The following NCEH1 variants were observed in gnomAD, a reference collection of about 807,000 sequenced individuals.
NCEH1 encodes the protein 2-acetyl MAGE hydrolase.
NCEH1 carries 9 observed loss-of-function variants against 25.4 expected under a neutral mutation model. The observed-to-expected ratio is 0.35, with a 90% confidence interval of 0.21 to 0.62. The LOEUF (loss-of-function observed/expected upper bound fraction) is 0.62, where lower values mean the gene tolerates loss of function less well. Ranked by LOEUF, NCEH1 falls within the 20% of genes least tolerant of loss-of-function variation. The pLI is 0.72. For synonymous variants in NCEH1, 200 were observed against 199.8 expected (o/e 1.00, Z -0.01); for missense variants, 412 against 501.1 (o/e 0.82, Z 1.70).
At chr3:172,662,908 A>C (rs1470073005) in intron 1 of NCEH1, among the ~76,000 whole-genome samples, 1 of 151,768 alleles carries the variant, frequency 6.6e-6, no homozygotes, top group South Asian at 2.1e-4. Flanking sequence ...CTTTCAAAAA[A>C]CCAGCTCCTG....
At chr3:172,678,903 C>T (rs1712175767) in intron 1 of NCEH1, among the ~76,000 whole-genome samples, 1 of 152,194 alleles carries the variant, frequency 6.6e-6, no homozygotes, top group African/African-American at 2.4e-5. Flanking sequence ...ATTTAATTTA[C>T]TCAGCAAGGC....
At chr3:172,677,869 A>C (rs1201729152) in intron 1 of NCEH1, among the ~76,000 whole-genome samples, 3 of 152,256 alleles carry the variant, frequency 2.0e-5, no homozygotes, top group Non-Finnish European at 4.4e-5. Flanking sequence ...CGGAGCCTGC[A>C]GTGAGCTGAG....
At chr3:172,682,117 C>G (rs377478474) in intron 1 of NCEH1, among the ~76,000 whole-genome samples, 1 of 152,162 alleles carries the variant, frequency 6.6e-6, no homozygotes, top group African/African-American at 2.4e-5. Context: ...ATAGACAGAG[C>G]CTGTGGTGGA....
At chr3:172,673,042 T>C (rs1210472758) in intron 1 of NCEH1, among the ~76,000 whole-genome samples, 3 of 152,156 alleles carry the variant, frequency 2.0e-5, no homozygotes, top group Admixed American at 1.3e-4. Context: ...ATACTGGACA[T>C]TGAAGAAAAG....
At chr3:172,686,897 G>A (rs1712731070) in intron 1 of NCEH1, among the ~76,000 whole-genome samples, 1 of 152,056 alleles carries the variant, frequency 6.6e-6, no homozygotes, top group African/African-American at 2.4e-5. Flanking sequence ...ATTTTTTCTT[G>A]GGGGAGGGAG....
At chr3:172,637,431 AAAGAC>A (rs1271994252) in intron 3 of NCEH1, among the ~76,000 whole-genome samples, 1 of 152,220 alleles carries the variant, frequency 6.6e-6, no homozygotes, top group African/African-American at 2.4e-5. Flanking sequence ...TACTCTAAAT[AAAGAC>A]ATTTATTTTC....
In NCEH1 at chr3:172,634,000, A is replaced by G. The variant is rs1270602618; in HGVS notation, c.702T>C (p.Tyr234=). Reference sequence around the variant, plus strand: ...GGATTGGGGTGTTCACATTTTGCTGATAAGATGGTGTGTTAAAATCTAAAG... The same window carrying G: ...GGATTGGGGTGTTCACATTTTGCTGGTAAGATGGTGTGTTAAAATCTAAAG... The part of the protein sequence containing the change: ...LQALDFNTPS[Y]QQNVNTPILP... The change falls in exon 5 of 5, where the codon TAT becomes TAC. Residue 234 remains tyrosine, a synonymous_variant. Transcript: ENST00000475381. 6.8e-6 allele frequency: 11 copies of G among 1,614,114 alleles called. No individual in the cohort carries two copies. The highest frequency in any genetic ancestry group is 9.3e-6 in the Non-Finnish European group (11 of 1,180,058).
chr3:172,675,503 T>A (rs937747858), intron 1 of NCEH1, among the ~76,000 whole-genome samples: 42 of 152,060 alleles, frequency 2.8e-4, no homozygotes, highest in Admixed American at 1.8e-3. Flanking sequence ...ACTGGTTTTT[T>A]AAAGGAAGGA....
intron 3 of NCEH1, among the ~76,000 whole-genome samples, chr3:172,640,117 G>A (rs999753016): frequency 2.0e-5 from 3 of 152,130 alleles, no homozygotes; most frequent in Non-Finnish European, 4.4e-5. Context: ...TGGAAGGGAC[G>A]CCAAGTTCTC....
chr3:172,690,108 T>A (rs761665994), intron 1 of NCEH1, among the ~76,000 whole-genome samples: 125 of 152,006 alleles, frequency 8.2e-4, no homozygotes, highest in Non-Finnish European at 1.5e-3. Flanking sequence ...TTTCACCATG[T>A]TAGCCAGGAT....
chr3:172,702,659 G>C (rs1713759592), intron 1 of NCEH1, among the ~76,000 whole-genome samples: 1 of 152,184 alleles, frequency 6.6e-6, no homozygotes, highest in African/African-American at 2.4e-5. Flanking sequence ...CCTTAGATTA[G>C]GCAGGCGATA....
chr3:172,634,543 A>G (rs1340275077), intron 4 of NCEH1, among the ~76,000 whole-genome samples: 1 of 152,202 alleles, frequency 6.6e-6, no homozygotes, highest in African/African-American at 2.4e-5. Context: ...TGAGTGTTTA[A>G]GTAGGACCTC....
At chr3:172,683,805 C>T (rs1197914921) in intron 1 of NCEH1, among the ~76,000 whole-genome samples, 1 of 152,210 alleles carries the variant, frequency 6.6e-6, no homozygotes, top group Admixed American at 6.5e-5. Context: ...AAGAATACAT[C>T]TAATGTAAAG....
chr3:172,681,736 C>CAA (rs768887847), intron 1 of NCEH1, among the ~76,000 whole-genome samples: 37,254 of 103,484 alleles, frequency 0.36, 5,791 homozygotes, highest in South Asian at 0.39. Context: ...GTAAAAATAC[C>CAA]AAAAAAAAAA....
chr3:172,695,857 T>C (rs2108532681), intron 1 of NCEH1, among the ~76,000 whole-genome samples: 1 of 151,902 alleles, frequency 6.6e-6, no homozygotes, highest in South Asian at 2.1e-4. Flanking sequence ...GGCAGGAGAA[T>C]CGCTTGAACC....
At chr3:172,644,791 C>T (rs983655857) in intron 3 of NCEH1, among the ~76,000 whole-genome samples, 2 of 152,178 alleles carry the variant, frequency 1.3e-5, no homozygotes, top group Non-Finnish European at 2.9e-5. Flanking sequence ...AAACAACAAT[C>T]CTGAAATGTT....
chr3:172,652,543 G>A (rs1255902983), intron 1 of NCEH1, among the ~76,000 whole-genome samples: 1 of 152,188 alleles, frequency 6.6e-6, no homozygotes, highest in African/African-American at 2.4e-5. Flanking sequence ...AAAGCAAACA[G>A]TGATGAGTGG....
chr3:172,677,141 T>C (rs1161079007), intron 1 of NCEH1, among the ~76,000 whole-genome samples: 1 of 152,248 alleles, frequency 6.6e-6, no homozygotes, highest in Non-Finnish European at 1.5e-5. Context: ...TATTCCCTTC[T>C]TTGATATGAC....
intron 1 of NCEH1, among the ~76,000 whole-genome samples, chr3:172,697,068 G>T (rs1050528349): frequency 9.9e-5 from 15 of 151,750 alleles, no homozygotes; most frequent in African/African-American, 3.4e-4. Flanking sequence ...TGGACTACAG[G>T]TGCGCCCCAC....
Sources: gnomAD v4.1 joint callset for allele counts (sites outside exome capture counted in the v4.1 genomes callset) on GRCh38, gnomAD v4.1.1 for gene constraint, MANE v1.5 for transcripts, NCBI Gene and HGNC (gene_info 2026-07-23, HGNC 2026-07-21) for gene names.